The following CRYBG1 variants were observed in gnomAD, a reference collection of about 807,000 sequenced individuals.
CRYBG1 encodes crystallin beta-gamma domain containing 1.
CRYBG1 carries 139 observed loss-of-function variants against 189.2 expected under a neutral mutation model. That is an observed-to-expected ratio of 0.73 (90% CI 0.64 to 0.85). The LOEUF (loss-of-function observed/expected upper bound fraction) is 0.85, where lower values mean the gene tolerates loss of function less well. Among genes scored for constraint, CRYBG1 ranks in the 40% least tolerant of loss-of-function variants. The pLI is 0.00. For missense variants in CRYBG1, 2,611 were observed against 2,675.8 expected (o/e 0.98, Z 0.53); for synonymous variants, 1,023 against 1,017.1 (o/e 1.01, Z -0.11).
At chr6:106,464,319 C>A (rs1772070004) in intron 2 of CRYBG1, among the ~76,000 whole-genome samples, 1 of 151,982 alleles carries the variant, frequency 6.6e-6, no homozygotes, top group South Asian at 2.1e-4. Flanking sequence ...ATGATGAAAC[C>A]CATCTCTACT....
In CRYBG1 at chr6:106,405,311, C is replaced by T. The variant is rs186370819; in HGVS notation, c.173+44230C>T. The stretch of plus-strand genomic sequence containing the variant: ...AGCCCACCGCAGCTCAGCAGAGCCA[C>T]TGTAGCTGGACTGTCTCTCTAGATT... On this transcript the variant is annotated intron_variant, in intron 1 of 21. Coordinates refer to ENST00000633556, the MANE Select transcript of CRYBG1 (RefSeq NM_001371242.2). Among the ~76,000 whole-genome samples, 9 of 152,356 alleles carry T rather than the reference C, an allele frequency of 5.9e-5. No homozygotes were observed. In the East Asian group the frequency reaches 1.7e-3, roughly 29 times the overall value.
chr6:106,474,795 C>T (rs1027453909), intron 2 of CRYBG1, among the ~76,000 whole-genome samples: 1 of 152,126 alleles, frequency 6.6e-6, no homozygotes, highest in Non-Finnish European at 1.5e-5. Context: ...GAGAAGGAGG[C>T]AAACCTGAGT....
chr6:106,461,244 A>G (rs1772003569), intron 2 of CRYBG1, among the ~76,000 whole-genome samples: 1 of 142,066 alleles, frequency 7.0e-6, no homozygotes, highest in Admixed American at 7.0e-5. Flanking sequence ...CTCCAGGAAT[A>G]CTTGAGTGGT....
chr6:106,570,626 A>T lies in CRYBG1; in HGVS notation c.*2060A>T, dbSNP rs536982945. Reference sequence around the variant, plus strand: ...TCCAAACTCCATAGTTTCTGAGTGGAAACGAGGATGAGTGAGGTCCTGGCT... The same window carrying T: ...TCCAAACTCCATAGTTTCTGAGTGGTAACGAGGATGAGTGAGGTCCTGGCT... On this transcript the variant is annotated 3_prime_UTR_variant, in exon 22 of 22. Transcript: ENST00000633556. The T allele has an allele frequency of 9.2e-5, 14 of 152,320 alleles. No individual in the cohort carries two copies. The highest frequency in any genetic ancestry group is 3.1e-4 in the African/African-American group (13 of 41,570). 9.4% of individuals were successfully genotyped at this position (152,320 alleles called of 1,614,324 possible). A position where few individuals can be genotyped will look rare whatever the true frequency, so the allele number is the denominator to read the frequency against.
intron 1 of CRYBG1, among the ~76,000 whole-genome samples, chr6:106,421,587 T>C (rs1771123466): frequency 6.6e-6 from 1 of 152,100 alleles, no homozygotes. Context: ...AGGGGAGGGC[T>C]TTGCATGAAT....
In CRYBG1 at chr6:106,457,302, CCTTTT is replaced by C. The variant is rs1466807493; in HGVS notation, c.312+5476_312+5480del. On this transcript the variant is annotated intron_variant, in intron 2 of 21. Coordinates refer to ENST00000633556, the MANE Select transcript of CRYBG1 (RefSeq NM_001371242.2). ...TAATGTGCTAGCTCAGGTCTATCTG[CCTTTT>C]CTTTTAATGCCACCGGTTCCCCTCC... The C allele has an allele frequency of 3.3e-5, 5 of 152,126 alleles. No individual in the cohort carries two copies. In the East Asian group the frequency reaches 9.7e-4, roughly 29 times the overall value. 9.4% of individuals were successfully genotyped at this position (152,126 alleles called of 1,614,324 possible).
chr6:106,379,068 G>C (rs1260981517), intron 1 of CRYBG1, among the ~76,000 whole-genome samples: 2 of 152,016 alleles, frequency 1.3e-5, no homozygotes, highest in East Asian at 2.0e-4. Flanking sequence ...CAAATTGCTT[G>C]ACCCCGGGAG....
At position 106,558,626 on chromosome 6, in the gene CRYBG1, G is replaced by A. The variant is rs1774619589; in HGVS notation, c.5855+1G>A. 3 of 1,595,290 alleles carry A rather than the reference G, an allele frequency of 1.9e-6. No homozygotes were observed. Among genetic ancestry groups the A allele is most frequent in the Non-Finnish European group, 8.5e-7 (1 of 1,173,744 alleles). On this transcript the variant is annotated splice_donor_variant, in intron 18 of 21. Coordinates refer to ENST00000633556, the MANE Select transcript of CRYBG1 (RefSeq NM_001371242.2). LOFTEE classifies it high-confidence loss of function. ...GCTCTGTTCAGGTTATTGGTGGCATGTGAGTTACCTACTTGTTGACTCAAT... is the reference window on the plus strand; with the variant it reads ...GCTCTGTTCAGGTTATTGGTGGCATATGAGTTACCTACTTGTTGACTCAAT...
At chr6:106,465,430 G>T (rs956356903) in intron 2 of CRYBG1, among the ~76,000 whole-genome samples, 8 of 152,174 alleles carry the variant, frequency 5.3e-5, no homozygotes, top group African/African-American at 1.9e-4. Context: ...AGTGCTCTGT[G>T]GAGCCCTAGG....
Position 106,512,688 on chromosome 6 carries a change from C to T in CRYBG1, c.1571C>T (p.Ala524Val). 1 of 1,540,338 alleles carries T rather than the reference C, an allele frequency of 6.5e-7. No homozygotes were observed. The highest frequency in any genetic ancestry group is 8.7e-7 in the Non-Finnish European group (1 of 1,143,074). The stretch of plus-strand genomic sequence containing the variant: ...AAGGGCAGGAGCCGTGCCCTCGAGG[C>T]CGTGCCCGCCCCGCCCGCCAGCGGC... ...KRKGRSRALE[A>V]VPAPPASGPR... Residue 524 changes from alanine (A) to valine (V), a missense_variant, in exon 3 of 22, where the codon GCC (alanine) becomes GTC (valine). Physicochemically the swap from Ala to Val is moderately conservative, Grantham distance 64. Transcript: ENST00000633556.
intron 1 of CRYBG1, among the ~76,000 whole-genome samples, chr6:106,385,589 T>A (rs1174267983): frequency 1.3e-5 from 2 of 152,232 alleles, no homozygotes; most frequent in Non-Finnish European, 2.9e-5. Context: ...GCACATAACA[T>A]CTTCATGCAC....
In CRYBG1 at chr6:106,547,363, C is replaced by T. The variant is rs181341301; in HGVS notation, c.5312+2430C>T. ...TTGTATTATGTCCTCAAAGAAGTTACGGTATTTATGTAAAACATAATTATT... is the reference window on the plus strand; with the variant it reads ...TTGTATTATGTCCTCAAAGAAGTTATGGTATTTATGTAAAACATAATTATT... On this transcript the variant is annotated intron_variant, in intron 13 of 21. Transcript: ENST00000633556. Among the ~76,000 whole-genome samples, 218 of 152,262 alleles carry T rather than the reference C, an allele frequency of 1.4e-3. 1 individual carries two copies. Among genetic ancestry groups the T allele is most frequent in the Middle Eastern group, 6.8e-3 (2 of 294 alleles).
chr6:106,440,530 G>T (rs1771549241), intron 1 of CRYBG1, among the ~76,000 whole-genome samples: 1 of 152,184 alleles, frequency 6.6e-6, no homozygotes, highest in Non-Finnish European at 1.5e-5. Flanking sequence ...GCCTCCCAAA[G>T]TGCTGGGATT....
In CRYBG1 at chr6:106,503,812, G is replaced by C. The variant is rs1288952083; in HGVS notation, c.313-7618G>C. On this transcript the variant is annotated intron_variant, in intron 2 of 21. Transcript: ENST00000633556. The stretch of plus-strand genomic sequence containing the variant: ...AATACCAACCCGAAACTGGGAGTCT[G>C]CTTTTTAAAAGAAGCTTTTTGGGAG... Among the ~76,000 whole-genome samples the C allele has an allele frequency of 5.3e-5, 8 of 152,126 alleles. No individual in the cohort carries two copies. The East Asian group carries it at 1.5e-3, about 29-fold the overall frequency.
In CRYBG1 at chr6:106,451,780, C is replaced by T. The variant is rs763971522; in HGVS notation, c.260C>T (p.Thr87Ile). 24 of 1,534,880 alleles carry T rather than the reference C, an allele frequency of 1.6e-5. 1 individual carries two copies. In the South Asian group the frequency reaches 1.8e-4, roughly 11 times the overall value. Residue 87 changes from threonine to isoleucine, a missense_variant, in exon 2 of 22, where the codon ACC (threonine) becomes ATC (isoleucine). Physicochemically the swap from Thr to Ile is moderately conservative, Grantham distance 89. Coordinates refer to ENST00000633556, the MANE Select transcript of CRYBG1 (RefSeq NM_001371242.2). ...LHCGESQFFHTTSEALGSLLL... is the reference protein window; with the variant it reads ...LHCGESQFFHITSEALGSLLL... The stretch of plus-strand genomic sequence containing the variant: ...TGTGGGGAATCCCAGTTCTTCCACA[C>T]CACCAGTGAGGCGCTTGGTTCCTTA...
chr6:106,444,159 T>C (rs986525348), intron 1 of CRYBG1, among the ~76,000 whole-genome samples: 1 of 152,094 alleles, frequency 6.6e-6, no homozygotes, highest in Non-Finnish European at 1.5e-5. Context: ...CTTTGGGGAG[T>C]ATTGACACTG....
rs889625442 is a variant in CRYBG1, at chr6:106,510,370, G to A, written c.313-1060G>A. Among the ~76,000 whole-genome samples, 6 of 152,220 alleles carry A rather than the reference G, an allele frequency of 3.9e-5. 1 individual carries two copies. The East Asian group carries it at 9.6e-4, about 24-fold the overall frequency. ...CTCTGGCAAACCCCGGAGCGCCACC[G>A]CGCCCATTGGCGGGTTTGCTTTTAT... On this transcript the variant is annotated intron_variant, in intron 2 of 21. Coordinates refer to ENST00000633556, the MANE Select transcript of CRYBG1 (RefSeq NM_001371242.2).
Position 106,512,370 on chromosome 6 carries a change from C to T in CRYBG1, c.1253C>T (p.Ser418Leu), listed in dbSNP as rs149264191. 5.9e-4 allele frequency: 948 copies of T among 1,611,226 alleles called. 6 individuals are homozygous for T. In the African/African-American group the frequency reaches 0.012, roughly 20 times the overall value. Reference sequence around the variant, plus strand: ...GAGAAGAGGTCCAGCGGCCGTAGGTCGGGGAGGCGGAGGGGGTCGCAGAAA... The same window carrying T: ...GAGAAGAGGTCCAGCGGCCGTAGGTTGGGGAGGCGGAGGGGGTCGCAGAAA... ...DMEKRSSGRRSGRRRGSQKST... is the reference protein window; with the variant it reads ...DMEKRSSGRRLGRRRGSQKST... The change falls in exon 3 of 22, where the codon TCG (serine) becomes TTG (leucine). Residue 418 changes from serine to leucine, a missense_variant. This residue lies in a region of CRYBG1 where 985 missense variants were observed against 924.4 expected (regional missense o/e 1.07). Coordinates refer to ENST00000633556, the MANE Select transcript of CRYBG1 (RefSeq NM_001371242.2).
intron 1 of CRYBG1, among the ~76,000 whole-genome samples, chr6:106,427,443 G>A (rs80061027): frequency 0.012 from 1,787 of 152,076 alleles, 36 homozygotes; most frequent in African/African-American, 0.041. Flanking sequence ...GAAACCTTTC[G>A]TCCTCTTACA....
Sources: allele counts gnomAD v4.1 joint callset (sites outside exome capture counted in the v4.1 genomes callset), GRCh38; gene constraint gnomAD v4.1.1; regional missense constraint gnomAD v4.1.1; transcripts MANE v1.5; gene names NCBI Gene and HGNC (gene_info 2026-07-23, HGNC 2026-07-21).